OPCML: variants seen among roughly 807,000 people sequenced by gnomAD.
The protein encoded by OPCML is opioid binding protein/cell adhesion molecule like.
In OPCML, 13 loss-of-function variants were observed where a neutral mutation model predicts 37.8. That is an observed-to-expected ratio of 0.34 (90% CI 0.22 to 0.55). The LOEUF (loss-of-function observed/expected upper bound fraction) is 0.55, where lower values mean the gene tolerates loss of function less well. Ranked by LOEUF, OPCML falls within the 20% of genes least tolerant of loss-of-function variation. The pLI is 0.91. For synonymous variants in OPCML, 176 were observed against 168.8 expected, an observed-to-expected ratio of 1.04 and a Z score of -0.33; for missense variants, 341 against 435.6, an observed-to-expected ratio of 0.78 and a Z score of 1.93.
At chr11:133,435,812 C>A (rs1054580014) in intron 1 of OPCML, among the ~76,000 whole-genome samples, 14 of 152,216 alleles carry the variant, frequency 9.2e-5, no homozygotes, top group African/African-American at 3.4e-4. Context: ...AGAGGATTAG[C>A]CATTTCCACT....
At chr11:132,431,924 A>G (rs576176333) in intron 7 of OPCML, among the ~76,000 whole-genome samples, 2 of 152,280 alleles carry the variant, frequency 1.3e-5, no homozygotes, top group African/African-American at 4.8e-5. Flanking sequence ...ATTGTCCTTT[A>G]CAAGAATGGC....
At chr11:132,823,350 A>G (rs1174267721) in intron 2 of OPCML, among the ~76,000 whole-genome samples, 1 of 152,186 alleles carries the variant, frequency 6.6e-6, no homozygotes. Context: ...TTAGGAAACT[A>G]TCCGCACCTG....
chr11:133,286,929 C>A (rs1418880651), intron 1 of OPCML, among the ~76,000 whole-genome samples: 1 of 152,158 alleles, frequency 6.6e-6, no homozygotes, highest in African/African-American at 2.4e-5. Flanking sequence ...TGAAATATAT[C>A]ACTGAGAGAA....
At chr11:133,267,754 C>T (rs944766061) in intron 1 of OPCML, among the ~76,000 whole-genome samples, 1 of 152,142 alleles carries the variant, frequency 6.6e-6, no homozygotes, top group South Asian at 2.1e-4. Context: ...GGGTCTTTCC[C>T]GTGCTGTTCT....
chr11:132,690,351 A>G lies in OPCML; in HGVS notation c.147-33032T>C, dbSNP rs77271724. On this transcript the variant is annotated intron_variant, in intron 2 of 7. Coordinates refer to ENST00000524381, the MANE Select transcript of OPCML (RefSeq NM_001012393.5). ...GAATCAGTATAGCTGAAGTGGGGCC[A>G]GAGTTAGAAAGTACATCTCTAACAA... Among the ~76,000 whole-genome samples the G allele has an allele frequency of 5.4e-3, 818 of 152,342 alleles. 5 individuals carry two copies. The highest frequency in any genetic ancestry group is 0.019 in the African/African-American group (776 of 41,576).
chr11:132,517,300 C>T (rs1322971411), intron 4 of OPCML, among the ~76,000 whole-genome samples: 2 of 152,258 alleles, frequency 1.3e-5, no homozygotes, highest in East Asian at 3.9e-4. Flanking sequence ...GTATAAATGG[C>T]TTTGAAAAGG....
At chr11:133,247,589 G>T (rs77896342) in intron 1 of OPCML, among the ~76,000 whole-genome samples, 167 of 22,942 alleles carry the variant, frequency 7.3e-3, no homozygotes, top group South Asian at 0.023. Context: ...TCTTTCATCT[G>T]TCTTTCTTTC....
intron 1 of OPCML, among the ~76,000 whole-genome samples, chr11:133,375,699 C>A (rs1452565619): frequency 6.6e-6 from 1 of 152,014 alleles, no homozygotes; most frequent in Admixed American, 6.6e-5. Flanking sequence ...ATGGCCTTAG[C>A]TTCAATTAAA....
chr11:132,982,836 C>G (rs1946615395), intron 1 of OPCML, among the ~76,000 whole-genome samples: 1 of 152,190 alleles, frequency 6.6e-6, no homozygotes, highest in South Asian at 2.1e-4. Context: ...CCAGCTCTCT[C>G]TATGAGCCCA....
Position 132,595,288 on chromosome 11 carries a change from C to T in OPCML, c.379+61799G>A, listed in dbSNP as rs113790208. Among the ~76,000 whole-genome samples the T allele has an allele frequency of 1.3e-3, 197 of 152,100 alleles. 1 individual carries two copies. The highest frequency in any genetic ancestry group is 4.6e-3 in the African/African-American group (191 of 41,488). ...AAAAAGTAAATTAAAAAATATAGCA[C>T]GTTGTGCAAGTAATAATAATAATAT... On this transcript the variant is annotated intron_variant, in intron 3 of 7. Transcript: ENST00000524381.
chr11:132,728,182 C>A (rs1306735297), intron 2 of OPCML, among the ~76,000 whole-genome samples: 1 of 151,514 alleles, frequency 6.6e-6, no homozygotes, highest in African/African-American at 2.4e-5. Flanking sequence ...CCGGACAGCG[C>A]CCGCACCCTG....
chr11:132,670,673 G>A (rs1431574086), intron 2 of OPCML, among the ~76,000 whole-genome samples: 1 of 151,856 alleles, frequency 6.6e-6, no homozygotes, highest in African/African-American at 2.4e-5. Flanking sequence ...TTTCTCATTT[G>A]GAAATAATAT....
intron 3 of OPCML, among the ~76,000 whole-genome samples, chr11:132,583,940 C>G (rs1405941812): frequency 2.6e-5 from 4 of 151,894 alleles, no homozygotes; most frequent in Admixed American, 6.6e-5. Context: ...TTATAGTTCA[C>G]CAATACAGTG....
At chr11:133,329,003 A>G (rs979734719) in intron 1 of OPCML, among the ~76,000 whole-genome samples, 3 of 152,202 alleles carry the variant, frequency 2.0e-5, no homozygotes, top group African/African-American at 4.8e-5. Context: ...TACAAAATCA[A>G]TGTACAAAAA....
At chr11:132,551,015 C>A (rs563551100) in intron 3 of OPCML, among the ~76,000 whole-genome samples, 1 of 152,346 alleles carries the variant, frequency 6.6e-6, no homozygotes, top group Admixed American at 6.5e-5. Flanking sequence ...TAAAGCACCA[C>A]TGAATTTCCA....
Position 133,329,538 on chromosome 11 carries a change from C to T in OPCML, c.61+202726G>A, listed in dbSNP as rs181258719. ...CCTCAGAAATAATGCCGCATATCTA[C>T]AACCATCTGATCTTTGACAAACCTG... is the stretch of plus-strand genomic sequence containing the variant. On this transcript the variant is annotated intron_variant, in intron 1 of 7. Transcript: ENST00000524381. Among the ~76,000 whole-genome samples the T allele has an allele frequency of 4.0e-3, 615 of 152,294 alleles. 4 individuals carry two copies. The highest frequency in any genetic ancestry group is 0.014 in the African/African-American group (587 of 41,560).
At chr11:132,972,021 G>A (rs915220217) in intron 1 of OPCML, among the ~76,000 whole-genome samples, 15 of 152,186 alleles carry the variant, frequency 9.9e-5, no homozygotes, top group African/African-American at 3.6e-4. Flanking sequence ...AGGAATCCAA[G>A]GGCCTAAATA....
chr11:133,043,660 T>G (rs1427959626), intron 1 of OPCML, among the ~76,000 whole-genome samples: 1 of 152,198 alleles, frequency 6.6e-6, no homozygotes, highest in African/African-American at 2.4e-5. Flanking sequence ...TTCCTCCTCA[T>G]GCATTTTTTG....
chr11:132,697,504 T>G (rs535463273), intron 2 of OPCML, among the ~76,000 whole-genome samples: 1 of 152,316 alleles, frequency 6.6e-6, no homozygotes, highest in Admixed American at 6.5e-5. Flanking sequence ...TTTTTTTAGA[T>G]TCTACATATA....
Sources: allele counts gnomAD v4.1 joint callset (sites outside exome capture counted in the v4.1 genomes callset), GRCh38; gene constraint gnomAD v4.1.1; transcripts MANE v1.5; gene names NCBI Gene and HGNC (gene_info 2026-07-23, HGNC 2026-07-21).